Variants in NBEA observed in about 807,000 individuals in gnomAD.
NBEA encodes the protein lysosomal-trafficking regulator 2.
In NBEA, 44 loss-of-function variants were observed where a neutral mutation model predicts 343.4. That is an observed-to-expected ratio of 0.13 (90% CI 0.10 to 0.16). The LOEUF is 0.16. Ranked by LOEUF, NBEA falls within the 10% of genes least tolerant of loss-of-function variation. The pLI, the probability that NBEA is intolerant of heterozygous loss-of-function variation, is 1.00. For missense variants in NBEA, 2,555 were observed against 3,631.3 expected (o/e 0.70, Z 7.62); for synonymous variants, 1,175 against 1,238.7 (o/e 0.95, Z 1.08).
rs372962671 is a variant in NBEA at position 35,349,092 on chromosome 13, G to A, written c.5904-16G>A. On this transcript the variant is annotated splice_polypyrimidine_tract_variant and intron_variant, in intron 36 of 58. Transcript: ENST00000379939. ...GCTATTAAGAATAATATTTCTAAAG[G>A]TATTTTTCTTTTTAGATTACTGTGC... 2 of 1,407,562 alleles carry A rather than the reference G, an allele frequency of 1.4e-6. No individual in the cohort carries two copies. The highest frequency in any genetic ancestry group is 1.9e-6 in the Non-Finnish European group (2 of 1,029,944). The allele number at this position is 1,407,562 out of a possible 1,614,324, so 87.2% of individuals were successfully genotyped here.
chr13:35,600,913 A>C (rs1010022073), intron 47 of NBEA, among the ~76,000 whole-genome samples: 2 of 152,180 alleles, frequency 1.3e-5, no homozygotes, highest in African/African-American at 4.8e-5. Context: ...ACGGTGGTTC[A>C]TGCCTGTAAT....
At chr13:35,042,043 C>T (rs2062671742) in intron 2 of NBEA, among the ~76,000 whole-genome samples, 1 of 151,862 alleles carries the variant, frequency 6.6e-6, no homozygotes, top group Non-Finnish European at 1.5e-5. Context: ...AGAGAATACT[C>T]TTTTAACATT....
At chr13:35,324,004 C>A (rs1452650081) in intron 36 of NBEA, among the ~76,000 whole-genome samples, 1 of 152,124 alleles carries the variant, frequency 6.6e-6, no homozygotes, top group Non-Finnish European at 1.5e-5. Context: ...TATTAGAAAA[C>A]TTTTATTTAA....
chr13:35,176,166 C>T (rs1403393259), intron 27 of NBEA, among the ~76,000 whole-genome samples: 1 of 152,012 alleles, frequency 6.6e-6, no homozygotes, highest in African/African-American at 2.4e-5. Flanking sequence ...AAATACTATG[C>T]TCTTTTTACT....
At chr13:35,270,811 G>A (rs772189497) in intron 34 of NBEA, among the ~76,000 whole-genome samples, 5 of 152,288 alleles carry the variant, frequency 3.3e-5, no homozygotes, top group Admixed American at 6.5e-5. Flanking sequence ...TAGTAGGCAG[G>A]TATATGCTCA....
At chr13:35,254,924 G>T (rs1005747275) in intron 34 of NBEA, among the ~76,000 whole-genome samples, 1 of 151,432 alleles carries the variant, frequency 6.6e-6, no homozygotes, top group Non-Finnish European at 1.5e-5. Context: ...AAATTATTTT[G>T]AAGATTATTT....
intron 36 of NBEA, among the ~76,000 whole-genome samples, chr13:35,341,251 T>C (rs1030248165): frequency 3.3e-5 from 5 of 151,850 alleles, no homozygotes; most frequent in Non-Finnish European, 7.4e-5. Context: ...TATGAAAAAA[T>C]GAATTCAAAA....
At chr13:35,515,063 T>C (rs777007757) in intron 41 of NBEA, among the ~76,000 whole-genome samples, 1 of 152,186 alleles carries the variant, frequency 6.6e-6, no homozygotes, top group Non-Finnish European at 1.5e-5. Flanking sequence ...GTGGGCTGTA[T>C]GTTTGTAGGA....
At chr13:35,608,752 A>G (rs973022859) in intron 48 of NBEA, among the ~76,000 whole-genome samples, 25 of 152,194 alleles carry the variant, frequency 1.6e-4, no homozygotes, top group African/African-American at 5.8e-4. Context: ...TGATCATGCT[A>G]TTGAACAGAA....
chr13:35,514,493 GA>G, intron 41 of NBEA, among the ~76,000 whole-genome samples: 1 of 151,978 alleles, frequency 6.6e-6, no homozygotes, highest in Non-Finnish European at 1.5e-5. Context: ...CCCTCAATCA[GA>G]AAAAACTGCT....
intron 46 of NBEA, among the ~76,000 whole-genome samples, chr13:35,587,775 A>G (rs1471341949): frequency 2.0e-5 from 3 of 152,148 alleles, no homozygotes; most frequent in Non-Finnish European, 4.4e-5. Flanking sequence ...CTCAGAATTT[A>G]TTCTTAAGTA....
intron 38 of NBEA, among the ~76,000 whole-genome samples, chr13:35,396,652 T>C (rs926570206): frequency 9.9e-5 from 15 of 152,128 alleles, no homozygotes; most frequent in African/African-American, 3.6e-4. Context: ...AATGGGTAAC[T>C]CACCAATTCC....
intron 36 of NBEA, among the ~76,000 whole-genome samples, chr13:35,332,560 AC>A (rs1214575770): frequency 1.3e-5 from 2 of 152,268 alleles, no homozygotes; most frequent in Middle Eastern, 3.4e-3. Flanking sequence ...GTAGATGTAG[AC>A]AGACATTTCT....
intron 1 of NBEA, among the ~76,000 whole-genome samples, chr13:34,974,903 ATTG>A (rs1279702878): frequency 6.6e-6 from 1 of 152,182 alleles, no homozygotes; most frequent in Non-Finnish European, 1.5e-5. Flanking sequence ...CCTATTAAAC[ATTG>A]TTGATACTGA....
rs1349282784 is a variant in NBEA, at chr13:35,262,202, CTCATCCATGGTTG to C, written c.5777-28176_5777-28164del. Among the ~76,000 whole-genome samples the C allele has an allele frequency of 7.3e-4, 111 of 152,360 alleles. 2 individuals are homozygous for C. Among genetic ancestry groups the C allele is most frequent in the Admixed American group, 7.1e-3 (109 of 15,304 alleles). On this transcript the variant is annotated intron_variant, in intron 34 of 58. Coordinates refer to ENST00000379939, the MANE Select transcript of NBEA (RefSeq NM_001385012.1). Reference sequence around the variant, plus strand: ...GCCAAGAATATGCAGCAGCTGGCATCTCATCCATGGTTGTCATCCATGGCTTTGAGAATGCAAA... The same window carrying C: ...GCCAAGAATATGCAGCAGCTGGCATCTCATCCATGGCTTTGAGAATGCAAA...
At chr13:35,095,240 A>G (rs1247745582) in intron 10 of NBEA, among the ~76,000 whole-genome samples, 2 of 151,464 alleles carry the variant, frequency 1.3e-5, no homozygotes, top group Admixed American at 6.6e-5. Context: ...TAAAAAAATT[A>G]AATACAAATT....
intron 1 of NBEA, among the ~76,000 whole-genome samples, chr13:34,997,008 T>A (rs558600545): frequency 9.2e-5 from 14 of 151,872 alleles, no homozygotes; most frequent in Non-Finnish European, 1.9e-4. Context: ...ATTTGAATAT[T>A]CTACCTGTCT....
chr13:35,512,993 A>G (rs2077338529), intron 41 of NBEA, among the ~76,000 whole-genome samples: 1 of 152,180 alleles, frequency 6.6e-6, no homozygotes, highest in Admixed American at 6.5e-5. Flanking sequence ...ATTGTTGAAG[A>G]CATTATTGAT....
intron 36 of NBEA, among the ~76,000 whole-genome samples, chr13:35,310,077 TTTTTC>T (rs1054094040): frequency 2.0e-5 from 3 of 152,184 alleles, no homozygotes; most frequent in Non-Finnish European, 4.4e-5. Context: ...TATTATTTTT[TTTTTC>T]TTTAACAAAA....
Sources: gnomAD v4.1 joint callset for allele counts (sites outside exome capture counted in the v4.1 genomes callset) on GRCh38, gnomAD v4.1.1 for gene constraint, MANE v1.5 for transcripts, NCBI Gene and HGNC (gene_info 2026-07-23, HGNC 2026-07-21) for gene names.